Variants in SEC14L1 observed in about 807,000 individuals in gnomAD.
SEC14L1 encodes the protein SEC14-like protein 1.
A neutral mutation model predicts 85.3 loss-of-function variants in SEC14L1; 48 were observed. The ratio of observed to expected loss-of-function variants is 0.56; its 90% CI spans 0.45 to 0.72. The LOEUF (loss-of-function observed/expected upper bound fraction) is 0.72, where lower values mean the gene tolerates loss of function less well. Among genes scored for constraint, SEC14L1 ranks in the 30% least tolerant of loss-of-function variants. SEC14L1 has a pLI of 0.00. For missense variants in SEC14L1, 682 were observed against 921.4 expected, an observed-to-expected ratio of 0.74 and a Z score of 3.36; for synonymous variants, 391 against 355.5, an observed-to-expected ratio of 1.10 and a Z score of -1.12.
intron 3 of SEC14L1, among the ~76,000 whole-genome samples, chr17:77,120,059 G>C (rs892697990): frequency 6.6e-6 from 1 of 152,080 alleles, no homozygotes; most frequent in African/African-American, 2.4e-5. Flanking sequence ...AGATTAGACT[G>C]ACAAACATCG....
At position 77,191,326 on chromosome 17, in the gene SEC14L1, C is replaced by G. The variant is rs746888985; in HGVS notation, c.345+14C>G. Reference sequence around the variant, plus strand: ...TGCTGCTACACCGTGAGTAATCTGTCACTCGGCGGAAGATGTTCTGCCGAC... The same window carrying G: ...TGCTGCTACACCGTGAGTAATCTGTGACTCGGCGGAAGATGTTCTGCCGAC... On this transcript the variant is annotated intron_variant, in intron 5 of 16. Coordinates refer to ENST00000436233, the MANE Select transcript of SEC14L1 (RefSeq NM_001143998.2). 6.2e-7 allele frequency: 1 copy of G among 1,613,770 alleles called. No homozygotes were observed. Among genetic ancestry groups the G allele is most frequent in the East Asian group, 2.2e-5 (1 of 44,886 alleles).
intron 2 of SEC14L1, among the ~76,000 whole-genome samples, chr17:77,092,309 G>A (rs1219559167): frequency 3.9e-5 from 6 of 152,136 alleles, no homozygotes; most frequent in Non-Finnish European, 8.8e-5. Flanking sequence ...TATGGTCCCT[G>A]GTGTTAGGGG....
rs1976844986 is a variant in SEC14L1, at chr17:77,213,045, GGGGTGGGCTGGGCAGGCC to G, written c.1864-268_1864-251del. 6.6e-6 allele frequency among the ~76,000 whole-genome samples: 1 copy of G among 152,264 alleles called. No homozygotes were observed. Among genetic ancestry groups the G allele is most frequent in the African/African-American group, 2.4e-5 (1 of 41,468 alleles). ...CTGCCAGGCTCCTGCCTCCGTAGGT[GGGGTGGGCTGGGCAGGCC>G]TCGTGAGGGCCACGGACATGGAGCT... On this transcript the variant is annotated intron_variant, in intron 15 of 16. Transcript: ENST00000436233. The surrounding 1 kb of genome is among the most constrained non-coding windows in gnomAD (Gnocchi z 7.1).
intron 3 of SEC14L1, among the ~76,000 whole-genome samples, chr17:77,173,954 G>A (rs1335147939): frequency 6.6e-6 from 1 of 151,592 alleles, no homozygotes; most frequent in Non-Finnish European, 1.5e-5. Flanking sequence ...AGGCAGGAGT[G>A]CAATGGCACG....
intron 3 of SEC14L1, among the ~76,000 whole-genome samples, chr17:77,135,494 CTT>C (rs1972766594): frequency 6.6e-6 from 1 of 151,896 alleles, no homozygotes. Flanking sequence ...CTCTCTTTGT[CTT>C]TCTCTCTTTC....
At chr17:77,197,042 A>G (rs1429762612) in intron 8 of SEC14L1, among the ~76,000 whole-genome samples, 1 of 152,256 alleles carries the variant, frequency 6.6e-6, no homozygotes, top group Admixed American at 6.5e-5. Flanking sequence ...AACCTGCCTG[A>G]GGTCTCACAG....
chr17:77,191,166 C>A lies in SEC14L1; in HGVS notation c.214-15C>A. 7.0e-7 allele frequency: 1 copy of A among 1,436,642 alleles called. No homozygotes were observed. The highest frequency in any genetic ancestry group is 9.5e-7 in the Non-Finnish European group (1 of 1,050,294). The allele number at this position is 1,436,642 out of a possible 1,614,324, so 89.0% of individuals were successfully genotyped here. The stretch of plus-strand genomic sequence containing the variant: ...GTTATTAATAAACCCATTTCTCTTT[C>A]TTTTTTTTTTGAAGATTGCAGGAGT... On this transcript the variant is annotated splice_polypyrimidine_tract_variant and intron_variant, in intron 4 of 16. Transcript: ENST00000436233.
chr17:77,105,025 A>T (rs1198719944), intron 3 of SEC14L1, among the ~76,000 whole-genome samples: 1 of 152,086 alleles, frequency 6.6e-6, no homozygotes, highest in Non-Finnish European at 1.5e-5. Flanking sequence ...AGGAAGACTC[A>T]GGAAGGGAGC....
chr17:77,199,187 A>G (rs1048816167), intron 8 of SEC14L1: 1 of 152,474 alleles, frequency 6.6e-6, no homozygotes, highest in African/African-American at 2.4e-5. Flanking sequence ...TATTTTTGGT[A>G]GAGACAGGGT....
chr17:77,115,390 T>C (rs980609528), intron 3 of SEC14L1, among the ~76,000 whole-genome samples: 1 of 151,856 alleles, frequency 6.6e-6, no homozygotes, highest in Admixed American at 6.6e-5. Flanking sequence ...GATCGTGCCA[T>C]TGCACTCCAG....
At position 77,215,446 on chromosome 17, in the gene SEC14L1, C is replaced by T. The variant is rs1976989740; in HGVS notation, c.*1423C>T. ...GTAGGCATGGAGATCCTGGTTGTGC[C>T]GTCTCAGCTCCGCTCTGAAGGCACT... On this transcript the variant is annotated 3_prime_UTR_variant, in exon 17 of 17. Coordinates refer to ENST00000436233, the MANE Select transcript of SEC14L1 (RefSeq NM_001143998.2). The T allele has an allele frequency of 4.1e-6, 4 of 985,450 alleles. No individual in the cohort carries two copies. Among genetic ancestry groups the T allele is most frequent in the Non-Finnish European group, 3.6e-6 (3 of 830,004 alleles). 61.0% of individuals were successfully genotyped at this position (985,450 alleles called of 1,614,324 possible).
intron 8 of SEC14L1, among the ~76,000 whole-genome samples, chr17:77,196,971 C>A (rs1027498533): frequency 6.6e-6 from 1 of 152,220 alleles, no homozygotes; most frequent in African/African-American, 2.4e-5. Context: ...GCAGCTCTCT[C>A]TGCTGCTGTT....
chr17:77,186,737 C>G (rs79479364), intron 3 of SEC14L1, among the ~76,000 whole-genome samples: 2,232 of 152,262 alleles, frequency 0.015, 48 homozygotes, highest in Admixed American at 0.042. Flanking sequence ...TATTTGTGAT[C>G]TGTGTATTAC....
Position 77,190,983 on chromosome 17 carries a change from A to AAGGGCGTCCTGGTGGGAG in SEC14L1, c.213+62_213+79dup, listed in dbSNP as rs1243727493. ...GGTCGGAAAGGACGTCTTGGAGGGA[A>AAGGGCGTCCTGGTGGGAG]AGGGCGTCCTGGTGGGAGAGGGCGT... On this transcript the variant is annotated intron_variant, in intron 4 of 16. Coordinates refer to ENST00000436233, the MANE Select transcript of SEC14L1 (RefSeq NM_001143998.2). The AAGGGCGTCCTGGTGGGAG allele has an allele frequency of 2.2e-4, 355 of 1,608,340 alleles. 2 individuals are homozygous for AAGGGCGTCCTGGTGGGAG. In the African/African-American group the frequency reaches 4.0e-3, roughly 18 times the overall value.
chr17:77,110,707 C>A (rs1317147002), intron 3 of SEC14L1, among the ~76,000 whole-genome samples: 1 of 150,328 alleles, frequency 6.7e-6, no homozygotes, highest in Non-Finnish European at 1.5e-5. Flanking sequence ...GGTGAAACCC[C>A]ATCTCTACTA....
chr17:77,145,211 C>A (rs1019095947), intron 3 of SEC14L1, among the ~76,000 whole-genome samples: 1 of 151,604 alleles, frequency 6.6e-6, no homozygotes, highest in Non-Finnish European at 1.5e-5. Flanking sequence ...CCAGGCTGGT[C>A]TTGAACTTCT....
At chr17:77,120,032 G>A (rs1972258908) in intron 3 of SEC14L1, among the ~76,000 whole-genome samples, 1 of 152,044 alleles carries the variant, frequency 6.6e-6, no homozygotes, top group Non-Finnish European at 1.5e-5. Context: ...TATACTGCCT[G>A]AGAGCCCATC....
chr17:77,200,707 T>C, intron 9 of SEC14L1, 34 bp downstream of exon 9: 1 of 1,590,192 alleles, frequency 6.3e-7, no homozygotes, highest in Non-Finnish European at 8.6e-7. Flanking sequence ...GTTTCCATCG[T>C]TGTCTTGATG....
In SEC14L1 at chr17:77,206,838, A is replaced by G. The variant is rs1047479179; in HGVS notation, c.1452A>G (p.Pro484=). ...LLDYIDKEII[P]DFLSGECMCE... ...ATTACATCGACAAAGAGATTATTCC[A>G]GATTTCCTGAGTGGGGAGTGCATGG... is the stretch of plus-strand genomic sequence containing the variant. The change falls in exon 13 of 17, where the codon CCA becomes CCG. Residue 484 remains proline (P), a synonymous_variant. Coordinates refer to ENST00000436233, the MANE Select transcript of SEC14L1 (RefSeq NM_001143998.2). This position sits in a 1 kb window ranked among gnomAD's most constrained non-coding sequence, Gnocchi z 4.3. 5.6e-6 allele frequency: 9 copies of G among 1,607,676 alleles called. No homozygotes were observed. The African/African-American group carries it at 8.0e-5, about 14-fold the overall frequency.
Sources: gnomAD v4.1 joint callset for allele counts (sites outside exome capture counted in the v4.1 genomes callset) on GRCh38, gnomAD v4.1.1 for gene constraint, Gnocchi (gnomAD v3.1) non-coding constraint, MANE v1.5 for transcripts, NCBI Gene and HGNC (gene_info 2026-07-23, HGNC 2026-07-21) for gene names.